The following RIC1 variants were observed in gnomAD, a reference collection of about 807,000 sequenced individuals.
RIC1 encodes RIC1 partner of RAB6A GEF complex, also known as guanine nucleotide exchange factor subunit RIC1.
In RIC1, 88 loss-of-function variants were observed where a neutral mutation model predicts 169.0. The ratio of observed to expected loss-of-function variants is 0.52; its 90% confidence interval spans 0.44 to 0.62. The LOEUF (loss-of-function observed/expected upper bound fraction) is 0.62, where lower values mean the gene tolerates loss of function less well. Ranked by LOEUF, RIC1 falls within the 20% of genes least tolerant of loss-of-function variation. The pLI, the probability that RIC1 is intolerant of heterozygous loss-of-function variation, is 0.00. For synonymous variants in RIC1, 790 were observed against 601.5 expected, an observed-to-expected ratio of 1.31 and a Z score of -4.59; for missense variants, 1,877 against 1,725.5, an observed-to-expected ratio of 1.09 and a Z score of -1.56.
chr9:5,663,288 A>T (rs1819562212), intron 2 of RIC1, among the ~76,000 whole-genome samples: 1 of 152,146 alleles, frequency 6.6e-6, no homozygotes, highest in African/African-American at 2.4e-5. Context: ...TGATGATGAG[A>T]ACAATTAGTT....
At chr9:5,655,593 G>A (rs1025673160) in intron 1 of RIC1, among the ~76,000 whole-genome samples, 5 of 152,148 alleles carry the variant, frequency 3.3e-5, no homozygotes, top group Non-Finnish European at 7.3e-5. Flanking sequence ...GAGCCGTGGC[G>A]CCCGGCCTTG....
Position 5,763,657 on chromosome 9 carries a change from A to G in RIC1, c.2630A>G (p.Glu877Gly), listed in dbSNP as rs767233773. The change falls in exon 19 of 26, where the codon GAG becomes GGG. Residue 877 changes from glutamate (E) to glycine (G), a missense_variant. Coordinates refer to ENST00000414202, the MANE Select transcript of RIC1 (RefSeq NM_020829.4). The surrounding 1 kb of genome is among the most constrained non-coding windows in gnomAD (Gnocchi z 5.2). ...EVLEEEATSREPIPDPLLPTV... is the reference protein window; with the variant it reads ...EVLEEEATSRGPIPDPLLPTV... ...CTGGAAGAAGAAGCTACCTCACGGG[A>G]GCCCATTCCCGACCCTCTGCTTCCC... 1.9e-6 allele frequency: 3 copies of G among 1,614,170 alleles called. No individual in the cohort carries two copies. Among genetic ancestry groups the G allele is most frequent in the Non-Finnish European group, 2.5e-6 (3 of 1,180,022 alleles).
In RIC1 at chr9:5,774,291, G is replaced by A. The variant is rs149866860; in HGVS notation, c.*45G>A. 25 of 1,509,180 alleles carry A rather than the reference G, an allele frequency of 1.7e-5. No homozygotes were observed. The highest frequency in any genetic ancestry group is 9.1e-5 in the East Asian group (4 of 44,192). 93.5% of individuals were successfully genotyped at this position (1,509,180 alleles called of 1,614,324 possible). A position where few individuals can be genotyped will look rare whatever the true frequency, so the allele number is the denominator to read the frequency against. On this transcript the variant is annotated 3_prime_UTR_variant, in exon 26 of 26. Transcript: ENST00000414202. ...AGGGGCAGTATTAATTAGCAGCAGCGTGCAGCTCAGTACGTTGTAACATAG... is the reference window on the plus strand; with the variant it reads ...AGGGGCAGTATTAATTAGCAGCAGCATGCAGCTCAGTACGTTGTAACATAG...
chr9:5,755,779 C>T (rs1825972802), intron 15 of RIC1, among the ~76,000 whole-genome samples: 1 of 151,986 alleles, frequency 6.6e-6, no homozygotes, highest in Non-Finnish European at 1.5e-5. Flanking sequence ...AAAAATTATC[C>T]AGGTATGGTG....
At position 5,747,357 on chromosome 9, in the gene RIC1, G is replaced by C. The variant is rs764635088; in HGVS notation, c.1304G>C (p.Gly435Ala). 9 of 1,614,048 alleles carry C rather than the reference G, an allele frequency of 5.6e-6. No homozygotes were observed. In the East Asian group the frequency reaches 2.0e-4, roughly 36 times the overall value. The change falls in exon 12 of 26, where the codon GGA (glycine) becomes GCA (alanine). Residue 435 changes from glycine to alanine, a missense_variant. Physicochemically the swap from Gly to Ala is moderately conservative, Grantham distance 60. Transcript: ENST00000414202. ...GAGGATCGCTTGTACTTGAACTGTG[G>C]AGAGGCTTCACAAACCCAGAATCCC... is the stretch of plus-strand genomic sequence containing the variant. Reference protein sequence around the residue: ...QGEDRLYLNCGEASQTQNPRS... With the variant: ...QGEDRLYLNCAEASQTQNPRS...
chr9:5,772,127 G>A (rs573640509), intron 23 of RIC1, among the ~76,000 whole-genome samples: 1 of 152,280 alleles, frequency 6.6e-6, no homozygotes, highest in South Asian at 2.1e-4. Context: ...CTCTTTTTAA[G>A]TGGATGTTCC....
In RIC1 at chr9:5,738,457, G is replaced by C. The variant is rs1194980045; in HGVS notation, c.820G>C (p.Val274Leu). The C allele has an allele frequency of 1.3e-6, 2 of 1,597,436 alleles. No individual in the cohort carries two copies. Among genetic ancestry groups the C allele is most frequent in the Non-Finnish European group, 8.5e-7 (1 of 1,174,408 alleles). The change falls in exon 8 of 26, where the codon GTG (valine) becomes CTG (leucine). Residue 274 changes from valine to leucine, a missense_variant. Val to Leu is a conservative substitution (Grantham distance 32). This residue lies in a region of RIC1 where 1,104 missense variants were observed against 992.0 expected (regional missense o/e 1.11). Transcript: ENST00000414202. ...LMAFGCVSGS[V>L]QVYTIDNSTG... ...TCGTTGTTGTTTTCACAGTGGTTCT[G>C]TGCAGGTCTATACAATAGATAACAG... is the stretch of plus-strand genomic sequence containing the variant.
intron 1 of RIC1, among the ~76,000 whole-genome samples, chr9:5,651,297 G>A (rs932944943): frequency 2.0e-5 from 3 of 151,888 alleles, no homozygotes; most frequent in African/African-American, 4.8e-5. Context: ...TCACTTCTCT[G>A]CTAAATTCCA....
At chr9:5,713,650 T>A (rs1215309600) in intron 3 of RIC1, 1 of 286,696 alleles carries the variant, frequency 3.5e-6, no homozygotes, top group East Asian at 7.0e-5. Flanking sequence ...GGTTTTTTTC[T>A]CAGATTCTCT....
At chr9:5,647,132 A>G (rs1191962333) in intron 1 of RIC1, among the ~76,000 whole-genome samples, 3 of 152,074 alleles carry the variant, frequency 2.0e-5, no homozygotes, top group Admixed American at 2.0e-4. Context: ...TTTATGCAAG[A>G]GTGTATTTCT....
At chr9:5,710,528 A>G (rs1822866998) in intron 3 of RIC1, among the ~76,000 whole-genome samples, 1 of 152,194 alleles carries the variant, frequency 6.6e-6, no homozygotes, top group African/African-American at 2.4e-5. Flanking sequence ...ACCCTGCTGA[A>G]GTCCACCAGT....
chr9:5,673,076 C>A (rs577582648), intron 2 of RIC1, among the ~76,000 whole-genome samples: 1 of 152,006 alleles, frequency 6.6e-6, no homozygotes, highest in East Asian at 1.9e-4. Context: ...GTAACTAATT[C>A]CTAGGTTAGT....
At chr9:5,719,118 CTCTT>C (rs369320991) in intron 4 of RIC1, 130 of 152,176 alleles carry the variant, frequency 8.5e-4, no homozygotes, top group African/African-American at 3.0e-3. Flanking sequence ...ACTTTGAACA[CTCTT>C]TCTTAAATTC....
chr9:5,714,300 C>T (rs1823106633), intron 4 of RIC1, among the ~76,000 whole-genome samples: 2 of 152,056 alleles, frequency 1.3e-5, no homozygotes, highest in Non-Finnish European at 1.5e-5. Context: ...CAAAACAATA[C>T]TGATGAAAGC....
chr9:5,711,785 C>T (rs1339002666), intron 3 of RIC1, among the ~76,000 whole-genome samples: 1 of 152,140 alleles, frequency 6.6e-6, no homozygotes, highest in Non-Finnish European at 1.5e-5. Context: ...TCCAAGTGTT[C>T]TCATTGTTCA....
At chr9:5,700,735 A>C (rs186581060) in intron 3 of RIC1, among the ~76,000 whole-genome samples, 14 of 152,334 alleles carry the variant, frequency 9.2e-5, no homozygotes, top group Admixed American at 5.2e-4. Flanking sequence ...GCACAAGTGC[A>C]CACTAAAAAC....
chr9:5,688,689 C>G (rs1189252557), intron 2 of RIC1, among the ~76,000 whole-genome samples: 1 of 152,112 alleles, frequency 6.6e-6, no homozygotes, highest in Non-Finnish European at 1.5e-5. Flanking sequence ...AGCAAACCAC[C>G]TGGTTTTGCT....
intron 3 of RIC1, among the ~76,000 whole-genome samples, chr9:5,699,545 T>C (rs940429467): frequency 1.2e-4 from 18 of 151,936 alleles, no homozygotes; most frequent in African/African-American, 3.9e-4. Context: ...ATAACTAAAA[T>C]ATAAAAGCAA....
At chr9:5,636,744 G>A (rs1029265551) in intron 1 of RIC1, among the ~76,000 whole-genome samples, 1 of 152,086 alleles carries the variant, frequency 6.6e-6, no homozygotes, top group Non-Finnish European at 1.5e-5. Context: ...TTTTTTGGTG[G>A]TTTTTAGGTT....
Sources: allele counts gnomAD v4.1 joint callset (sites outside exome capture counted in the v4.1 genomes callset), GRCh38; gene constraint gnomAD v4.1.1; regional missense constraint gnomAD v4.1.1; non-coding constraint Gnocchi (gnomAD v3.1); transcripts MANE v1.5; gene names NCBI Gene and HGNC (gene_info 2026-07-23, HGNC 2026-07-21).